Variants in USH2A observed in about 807,000 individuals in gnomAD.
USH2A encodes the protein Usher syndrome 2A (autosomal recessive, mild).
Under a neutral mutation model 538.9 loss-of-function variants are expected in USH2A, and 443 were observed. The ratio of observed to expected loss-of-function variants is 0.82; its 90% CI spans 0.76 to 0.89. USH2A has a LOEUF of 0.89. USH2A is among the 40% of genes least tolerant of loss of function. The probability of loss-of-function intolerance (pLI) is 0.00; values close to 1 mark genes in which losing one functional copy is unlikely to be tolerated. For missense variants in USH2A, 6,633 were observed against 6,324.8 expected (o/e 1.05, Z -1.65); for synonymous variants, 2,413 against 2,273.5 (o/e 1.06, Z -1.75).
At chr1:215,659,555 T>A (rs1657378013) in intron 64 of USH2A, among the ~76,000 whole-genome samples, 1 of 152,202 alleles carries the variant, frequency 6.6e-6, no homozygotes, top group South Asian at 2.1e-4. Flanking sequence ...ATATATTAAA[T>A]TTTACTTTTT....
At chr1:216,100,938 T>C (rs55754355) in intron 21 of USH2A, among the ~76,000 whole-genome samples, 2,916 of 152,306 alleles carry the variant, frequency 0.019, 91 homozygotes, top group African/African-American at 0.067. Context: ...TATAATATTT[T>C]ACACAGATCA....
In USH2A at chr1:216,217,692, A is replaced by G; in HGVS notation, c.2994-142T>C. 7 of 959,816 alleles carry G rather than the reference A, an allele frequency of 7.3e-6. 1 individual carries two copies. In the South Asian group the frequency reaches 1.1e-4, roughly 15 times the overall value. 59.5% of individuals were successfully genotyped at this position (959,816 alleles called of 1,614,324 possible). A position where few individuals can be genotyped will look rare whatever the true frequency, so the allele number is the denominator to read the frequency against. ...TTGAAAAGAATGCTTGAGCTAAACA[A>G]ACAAAGAATCAACATAAAATAAAGG... On this transcript the variant is annotated intron_variant, in intron 14 of 71. Coordinates refer to ENST00000307340, the MANE Select transcript of USH2A (RefSeq NM_206933.4).
chr1:215,785,932 TACAC>T (rs10638003), intron 52 of USH2A, among the ~76,000 whole-genome samples: 5,668 of 146,276 alleles, frequency 0.039, 148 homozygotes, highest in African/African-American at 0.076. Context: ...TGATAGATGA[TACAC>T]ACACACACAC....
At chr1:215,973,940 T>TCACACACACA (rs140368318) in intron 35 of USH2A, among the ~76,000 whole-genome samples, 6,434 of 146,304 alleles carry the variant, frequency 0.044, 190 homozygotes, top group Middle Eastern at 0.093. Context: ...ATAGGTGAGA[T>TCACACACACA]CACACACACA....
At chr1:216,403,043 A>G (rs2039335073) in intron 3 of USH2A, among the ~76,000 whole-genome samples, 1 of 152,158 alleles carries the variant, frequency 6.6e-6, no homozygotes, top group Admixed American at 6.5e-5. Context: ...ATTCAGCACT[A>G]TATAAAAGGA....
intron 21 of USH2A, among the ~76,000 whole-genome samples, chr1:216,161,720 A>G (rs1361372674): frequency 6.6e-6 from 1 of 150,540 alleles, no homozygotes; most frequent in Admixed American, 6.6e-5. Context: ...ACTTTTTTCA[A>G]CTCTTTTGTT....
chr1:216,392,357 G>A (rs1206210114), intron 3 of USH2A, among the ~76,000 whole-genome samples: 16 of 151,774 alleles, frequency 1.1e-4, no homozygotes, highest in Non-Finnish European at 2.2e-4. Context: ...CAAATTAGCC[G>A]GGCATGGTGG....
chr1:215,772,570 G>A (rs957743940), intron 55 of USH2A, among the ~76,000 whole-genome samples: 7 of 152,130 alleles, frequency 4.6e-5, no homozygotes, highest in East Asian at 3.9e-4. Context: ...AAAAGGGACT[G>A]CAAAAAGTCT....
At chr1:216,159,019 T>C (rs996940885) in intron 21 of USH2A, among the ~76,000 whole-genome samples, 1 of 152,186 alleles carries the variant, frequency 6.6e-6, no homozygotes, top group Non-Finnish European at 1.5e-5. Flanking sequence ...TTTTTGCTAT[T>C]CAATAGAAAC....
intron 32 of USH2A, among the ~76,000 whole-genome samples, chr1:216,029,979 T>TATATC (rs1163944840): frequency 2.1e-5 from 2 of 96,278 alleles, no homozygotes; most frequent in Non-Finnish European, 4.8e-5. Flanking sequence ...TAGAGAGAGA[T>TATATC]ATAGATATAT....
At position 215,634,545 on chromosome 1, in the gene USH2A, G is replaced by T. The variant is rs1178426573; in HGVS notation, c.15211C>A (p.Pro5071Thr). The T allele has an allele frequency of 6.2e-7, 1 of 1,614,012 alleles. No homozygotes were observed. Among genetic ancestry groups the T allele is most frequent in the Admixed American group, 1.7e-5 (1 of 59,984 alleles). Residue 5071 changes from proline (P) to threonine (T), a missense_variant, in exon 70 of 72, where the codon CCA becomes ACA. Coordinates refer to ENST00000307340, the MANE Select transcript of USH2A (RefSeq NM_206933.4). ...AAGGGAGGTCTTTCTCTGATATATGGCTCTTTGTGGATTTTTCTTTGTAGT... is the reference window on the plus strand; with the variant it reads ...AAGGGAGGTCTTTCTCTGATATATGTCTCTTTGTGGATTTTTCTTTGTAGT... ...LILQRKIHKE[P>T]YIRERPPLVP...
At chr1:216,178,001 A>AAATATAAATC (rs2034423976) in intron 20 of USH2A, among the ~76,000 whole-genome samples, 1 of 152,206 alleles carries the variant, frequency 6.6e-6, no homozygotes, top group South Asian at 2.1e-4. Context: ...CTGTTTCAAT[A>AAATATAAATC]AATATAAATC....
At chr1:216,343,371 CAA>C (rs1206103461) in intron 4 of USH2A, among the ~76,000 whole-genome samples, 21 of 87,614 alleles carry the variant, frequency 2.4e-4, no homozygotes, top group African/African-American at 4.6e-4. Context: ...ACCATCTCTA[CAA>C]AAAAAAAAAA....
Position 215,888,964 on chromosome 1 carries a change from AC to A in USH2A, c.7684del (p.Val2562LeufsTer15). ...TAGATAAATGTTATAATGGGTAATA[AC>A]CCCATTGGATTTTCTAGGATGCTGC... ...TWQHPRKSNGVITHYNIYLHG... is the reference protein window; with the variant it reads ...TWQHPRKSNGXITHYNIYLHG... On this transcript the variant is annotated frameshift_variant, in exon 41 of 72. Transcript: ENST00000307340. LOFTEE classifies it high-confidence loss of function. 1 of 1,614,060 alleles carries A rather than the reference AC, an allele frequency of 6.2e-7. No homozygotes were observed. The highest frequency in any genetic ancestry group is 8.5e-7 in the Non-Finnish European group (1 of 1,179,992).
intron 50 of USH2A, among the ~76,000 whole-genome samples, chr1:215,790,739 T>C (rs1011599500): frequency 4.7e-4 from 72 of 152,208 alleles, no homozygotes; most frequent in African/African-American, 1.7e-3. Context: ...ATCCTAGAAC[T>C]GGAAGCCCTG....
chr1:216,260,198 T>G, intron 11 of USH2A, among the ~76,000 whole-genome samples: 1 of 152,090 alleles, frequency 6.6e-6, no homozygotes, highest in Admixed American at 6.6e-5. Flanking sequence ...AAGAAATACA[T>G]TTTACAAAAA....
At chr1:216,366,936 G>C (rs1302202311) in intron 3 of USH2A, among the ~76,000 whole-genome samples, 1 of 151,908 alleles carries the variant, frequency 6.6e-6, no homozygotes. Flanking sequence ...AAAGATACAG[G>C]CTTTTCTACT....
chr1:215,990,925 C>A (rs887969505), intron 35 of USH2A, among the ~76,000 whole-genome samples: 4 of 151,916 alleles, frequency 2.6e-5, no homozygotes, highest in African/African-American at 9.7e-5. Flanking sequence ...CTATGCCCGG[C>A]TAATTTTTTG....
intron 38 of USH2A, among the ~76,000 whole-genome samples, chr1:215,910,282 TTAATGTCTTTATTG>T (rs1034756511): frequency 2.6e-5 from 4 of 152,008 alleles, no homozygotes; most frequent in African/African-American, 9.7e-5. Context: ...TAGCAGCTAA[TTAATGTCTTTATTG>T]TAATGTCTTT....
Sources: allele counts gnomAD v4.1 joint callset (sites outside exome capture counted in the v4.1 genomes callset), GRCh38; gene constraint gnomAD v4.1.1; transcripts MANE v1.5; gene names NCBI Gene and HGNC (gene_info 2026-07-23, HGNC 2026-07-21).